SUSD1: variants seen among roughly 807,000 people sequenced by gnomAD.
SUSD1 encodes sushi domain-containing protein 1.
In SUSD1, 65 loss-of-function variants were observed where a neutral mutation model predicts 86.9. That is an observed-to-expected ratio of 0.75 (90% CI 0.61 to 0.92). The LOEUF (loss-of-function observed/expected upper bound fraction) is 0.92. SUSD1 is among the 40% of genes least tolerant of loss of function. SUSD1 has a pLI of 0.00. For synonymous variants in SUSD1, 346 were observed against 350.0 expected, an observed-to-expected ratio of 0.99 and a Z score of 0.13; for missense variants, 850 against 929.7, an observed-to-expected ratio of 0.91 and a Z score of 1.11.
chr9:112,066,664 A>G (rs1369841282), intron 12 of SUSD1, among the ~76,000 whole-genome samples: 1 of 152,136 alleles, frequency 6.6e-6, no homozygotes, highest in East Asian at 1.9e-4. Flanking sequence ...TTGTCTTTTC[A>G]TATGTTACAT....
chr9:112,142,345 C>G lies in SUSD1; in HGVS notation c.681G>C (p.Trp227Cys). Residue 227 changes from tryptophan to cysteine, a missense_variant, in exon 5 of 17, where the codon TGG becomes TGC. Transcript: ENST00000374270. ...CTTGGCAATGTAATTTTGGGGACTC[C>G]CATGTGCCCAGGCCTGTGCAGCTTG... ...TVSSCTGLGT[W>C]ESPKLHCQEI... 1.2e-6 allele frequency: 2 copies of G among 1,602,072 alleles called. No homozygotes were observed. Among genetic ancestry groups the G allele is most frequent in the South Asian group, 1.1e-5 (1 of 89,038 alleles).
chr9:112,072,169 G>A (rs1483753722), intron 12 of SUSD1, among the ~76,000 whole-genome samples: 1 of 25,360 alleles, frequency 3.9e-5, no homozygotes, highest in African/African-American at 1.5e-4. Context: ...TTTTTTTTTT[G>A]AGACGGAGTC....
At chr9:112,168,722 A>G (rs1833921271) in intron 1 of SUSD1, among the ~76,000 whole-genome samples, 1 of 152,222 alleles carries the variant, frequency 6.6e-6, no homozygotes, top group African/African-American at 2.4e-5. Context: ...TGGGAGATTG[A>G]GATGGGAGGA....
At chr9:112,086,550 G>A (rs943065930) in intron 10 of SUSD1, among the ~76,000 whole-genome samples, 2 of 128,992 alleles carry the variant, frequency 1.6e-5, no homozygotes, top group Admixed American at 1.5e-4. Context: ...AAGAAAGAAA[G>A]AAAGAAAGAA....
At position 112,058,661 on chromosome 9, in the gene SUSD1, G is replaced by A. The variant is rs2118958536; in HGVS notation, c.1876C>T (p.Leu626=). 1 of 1,614,170 alleles carries A rather than the reference G, an allele frequency of 6.2e-7. No individual in the cohort carries two copies. The highest frequency in any genetic ancestry group is 8.5e-7 in the Non-Finnish European group (1 of 1,180,020). The part of the protein sequence containing the change: ...ISSYQVLVLP[L]ALQSTFSCDS... ...CAAGAAAATGTGCTTTGGAGGGCCAGGGGAAGCACTAACACCTGATATGAA... is the reference window on the plus strand; with the variant it reads ...CAAGAAAATGTGCTTTGGAGGGCCAAGGGAAGCACTAACACCTGATATGAA... Residue 626 remains leucine, a synonymous_variant, in exon 14 of 17, where the codon CTG becomes TTG. Coordinates refer to ENST00000374270, the MANE Select transcript of SUSD1 (RefSeq NM_022486.5).
At chr9:112,044,429 C>T (rs773583220) in intron 15 of SUSD1, among the ~76,000 whole-genome samples, 2 of 152,214 alleles carry the variant, frequency 1.3e-5, no homozygotes, top group Non-Finnish European at 2.9e-5. Context: ...ATACTACCCA[C>T]CTCTAGGTAG....
At chr9:112,157,161 A>T (rs1332247666) in intron 2 of SUSD1, among the ~76,000 whole-genome samples, 1 of 152,198 alleles carries the variant, frequency 6.6e-6, no homozygotes, top group Non-Finnish European at 1.5e-5. Flanking sequence ...ATATAGTTTT[A>T]TATCAAAATA....
At chr9:112,099,796 T>C (rs1051306694) in intron 9 of SUSD1, among the ~76,000 whole-genome samples, 1 of 152,226 alleles carries the variant, frequency 6.6e-6, no homozygotes, top group African/African-American at 2.4e-5. Context: ...CTTATCAATT[T>C]TGACAGTCAT....
At chr9:112,163,422 C>A (rs1833651673) in intron 1 of SUSD1, among the ~76,000 whole-genome samples, 1 of 151,908 alleles carries the variant, frequency 6.6e-6, no homozygotes, top group South Asian at 2.1e-4. Flanking sequence ...CTACCTCAGC[C>A]TACCAAAGTG....
intron 1 of SUSD1, among the ~76,000 whole-genome samples, chr9:112,165,913 G>GAAAGAAAAACAAAGAAAGAAA: frequency 1.5e-5 from 1 of 67,306 alleles, no homozygotes; most frequent in East Asian, 3.6e-4. Flanking sequence ...AAGGAAGGAA[G>GAAAGAAAAACAAAGAAAGAAA]GAAGAAAGAA....
chr9:112,161,106 G>A (rs1016724286), intron 1 of SUSD1, among the ~76,000 whole-genome samples: 1 of 152,200 alleles, frequency 6.6e-6, no homozygotes, highest in Admixed American at 6.5e-5. Context: ...GCCAGGCACG[G>A]TGGCTCATGC....
In SUSD1 at chr9:112,143,496, C is replaced by G; in HGVS notation, c.501G>C (p.Pro167=). 1 of 1,613,650 alleles carries G rather than the reference C, an allele frequency of 6.2e-7. No individual in the cohort carries two copies. Among genetic ancestry groups the G allele is most frequent in the Non-Finnish European group, 8.5e-7 (1 of 1,179,888 alleles). ...LPRNGPEPFH[P]TTDATSCTEI... is the part of the protein sequence containing the mutation. Reference sequence around the variant, plus strand: ...CTGTGCATGATGTGGCATCGGTGGTCGGGTGGAAAGGTTCAGGTCCATTCC... The same window carrying G: ...CTGTGCATGATGTGGCATCGGTGGTGGGGTGGAAAGGTTCAGGTCCATTCC... The change falls in exon 4 of 17, where the codon CCG becomes CCC. Residue 167 remains proline, a synonymous_variant. Coordinates refer to ENST00000374270, the MANE Select transcript of SUSD1 (RefSeq NM_022486.5).
In SUSD1 at chr9:112,143,595, C is replaced by T. The variant is rs1832679419; in HGVS notation, c.402G>A (p.Leu134=). The change falls in exon 4 of 17, where the codon CTG becomes CTA. Residue 134 remains leucine, a synonymous_variant. Transcript: ENST00000374270. Reference sequence around the variant, plus strand: ...TCACGCATCGCCCTCCATGCCTGCACAGGCCAGAAACTTCACACTCATCTA... The same window carrying T: ...TCACGCATCGCCCTCCATGCCTGCATAGGCCAGAAACTTCACACTCATCTA... ...TDIDECEVSG[L]CRHGGRCVNT... is the part of the protein sequence containing the mutation. The T allele has an allele frequency of 1.2e-6, 2 of 1,613,654 alleles. No individual in the cohort carries two copies. Among genetic ancestry groups the T allele is most frequent in the Non-Finnish European group, 1.7e-6 (2 of 1,179,888 alleles).
At chr9:112,044,081 T>G (rs944813969) in intron 15 of SUSD1, among the ~76,000 whole-genome samples, 8 of 152,100 alleles carry the variant, frequency 5.3e-5, no homozygotes, top group Admixed American at 4.6e-4. Flanking sequence ...ATTATAGGCA[T>G]GAGCCACCAT....
intron 2 of SUSD1, among the ~76,000 whole-genome samples, chr9:112,155,358 T>G (rs1437913264): frequency 6.6e-6 from 1 of 152,056 alleles, no homozygotes; most frequent in Non-Finnish European, 1.5e-5. Context: ...TCTATCTCAC[T>G]GCTAGCAAGT....
At chr9:112,076,468 G>A (rs1462568024) in intron 12 of SUSD1, among the ~76,000 whole-genome samples, 2 of 152,222 alleles carry the variant, frequency 1.3e-5, no homozygotes, top group African/African-American at 4.8e-5. Context: ...ATAACAGACA[G>A]AAAGTAACAG....
intron 5 of SUSD1, 76 bp from the exon 6 acceptor site, chr9:112,124,512 A>T: frequency 7.1e-7 from 1 of 1,406,462 alleles, no homozygotes; most frequent in Non-Finnish European, 9.5e-7. Context: ...TAAAATAAAT[A>T]TTTAATAGTG....
intron 12 of SUSD1, among the ~76,000 whole-genome samples, chr9:112,069,137 G>C (rs1018600537): frequency 2.0e-5 from 2 of 101,808 alleles, no homozygotes; most frequent in South Asian, 2.9e-4. Context: ...TGTGAGGAGA[G>C]ATGGGGGCCA....
At chr9:112,165,942 G>GAAAGAAGAAAGAAAGAAAGGAAGA (rs11377595) in intron 1 of SUSD1, among the ~76,000 whole-genome samples, 5 of 71,962 alleles carry the variant, frequency 6.9e-5, no homozygotes, top group African/African-American at 2.7e-4. Flanking sequence ...AAGAAAGAAA[G>GAAAGAAGAAAGAAAGAAAGGAAGA]AAGAAAGAAA....
Sources: gnomAD v4.1 joint callset for allele counts (sites outside exome capture counted in the v4.1 genomes callset) on GRCh38, gnomAD v4.1.1 for gene constraint, MANE v1.5 for transcripts, NCBI Gene and HGNC (gene_info 2026-07-23, HGNC 2026-07-21) for gene names.